Variants in ZNF804B observed in about 807,000 individuals in gnomAD.
ZNF804B encodes zinc finger protein 804B.
A neutral mutation model predicts 101.4 loss-of-function variants in ZNF804B; 80 were observed. The ratio of observed to expected loss-of-function variants is 0.79; its 90% CI spans 0.66 to 0.95. ZNF804B has a LOEUF of 0.95. ZNF804B is among the 40% of genes least tolerant of loss of function. ZNF804B has a pLI of 0.00. For missense variants in ZNF804B, 1,673 were observed against 1,561.9 expected, an observed-to-expected ratio of 1.07 and a Z score of -1.20; for synonymous variants, 622 against 558.8, an observed-to-expected ratio of 1.11 and a Z score of -1.59.
intron 1 of ZNF804B, among the ~76,000 whole-genome samples, chr7:88,884,688 T>C (rs1792097776): frequency 6.6e-6 from 1 of 151,928 alleles, no homozygotes; most frequent in Non-Finnish European, 1.5e-5. Flanking sequence ...TGTAATAACT[T>C]ACTTGCCCAA....
chr7:89,292,923 A>G (rs1373326142), intron 2 of ZNF804B, among the ~76,000 whole-genome samples: 2 of 152,054 alleles, frequency 1.3e-5, no homozygotes, highest in African/African-American at 2.4e-5. Context: ...AGGACCCCAC[A>G]CTTAAAACTA....
chr7:88,809,841 T>C (rs1790754789), intron 1 of ZNF804B, among the ~76,000 whole-genome samples: 1 of 152,154 alleles, frequency 6.6e-6, no homozygotes, highest in African/African-American at 2.4e-5. Context: ...TTGCTTCTCT[T>C]AGCAGTGGAA....
intron 1 of ZNF804B, among the ~76,000 whole-genome samples, chr7:88,871,187 T>C (rs1025944727): frequency 6.6e-6 from 1 of 152,152 alleles, no homozygotes; most frequent in Non-Finnish European, 1.5e-5. Flanking sequence ...TAAAACATGG[T>C]ATCTTTCATT....
At chr7:89,251,654 A>G (rs1252880196) in intron 2 of ZNF804B, among the ~76,000 whole-genome samples, 1 of 152,160 alleles carries the variant, frequency 6.6e-6, no homozygotes, top group Non-Finnish European at 1.5e-5. Context: ...CCATACCATA[A>G]GGCTACAGTA....
intron 2 of ZNF804B, among the ~76,000 whole-genome samples, chr7:89,298,131 A>ATATATATATCATATATATAG (rs1790412037): frequency 7.3e-6 from 1 of 137,500 alleles, no homozygotes; most frequent in South Asian, 2.2e-4. Context: ...ATATAAATAT[A>ATATATATATCATATATATAG]TATATATATA....
chr7:89,322,632 T>C (rs2115971478), intron 2 of ZNF804B, among the ~76,000 whole-genome samples: 1 of 152,040 alleles, frequency 6.6e-6, no homozygotes, highest in Admixed American at 6.6e-5. Context: ...AAAAAGAAAA[T>C]TTTTGGAACA....
chr7:89,250,143 C>T (rs536909477), intron 2 of ZNF804B, among the ~76,000 whole-genome samples: 25 of 151,944 alleles, frequency 1.6e-4, no homozygotes, highest in African/African-American at 5.8e-4. Flanking sequence ...GCTGAGATCA[C>T]GCCACTGCAC....
intron 1 of ZNF804B, among the ~76,000 whole-genome samples, chr7:89,053,427 G>A (rs886159139): frequency 6.6e-6 from 1 of 152,024 alleles, no homozygotes; most frequent in African/African-American, 2.4e-5. Context: ...GAATAATAAA[G>A]TAGACTTGTG....
intron 1 of ZNF804B, among the ~76,000 whole-genome samples, chr7:88,989,803 G>C (rs1584057243): frequency 6.6e-6 from 1 of 152,044 alleles, no homozygotes; most frequent in African/African-American, 2.4e-5. Flanking sequence ...AAGCCCAAAT[G>C]AATCACTACG....
intron 1 of ZNF804B, among the ~76,000 whole-genome samples, chr7:88,909,993 G>A (rs1032900423): frequency 1.3e-5 from 2 of 151,724 alleles, no homozygotes; most frequent in Non-Finnish European, 3.0e-5. Context: ...TGGTTTGAAT[G>A]TATATTTGCT....
intron 1 of ZNF804B, among the ~76,000 whole-genome samples, chr7:88,867,435 T>C (rs1316651203): frequency 1.3e-5 from 2 of 152,106 alleles, no homozygotes; most frequent in Non-Finnish European, 2.9e-5. Context: ...AGAAAAAGGG[T>C]GTCCCAGATC....
chr7:88,764,079 G>T (rs529542543), intron 1 of ZNF804B, among the ~76,000 whole-genome samples: 1 of 152,124 alleles, frequency 6.6e-6, no homozygotes, highest in South Asian at 2.1e-4. Flanking sequence ...AAAACAAATA[G>T]CTTCTATGTA....
chr7:88,881,128 A>T (rs1424038604), intron 1 of ZNF804B, among the ~76,000 whole-genome samples: 2 of 152,068 alleles, frequency 1.3e-5, no homozygotes, highest in African/African-American at 4.8e-5. Context: ...ATTTAAAATT[A>T]TGATAGAAGG....
At chr7:89,115,966 G>A (rs545307876) in intron 1 of ZNF804B, among the ~76,000 whole-genome samples, 13 of 150,898 alleles carry the variant, frequency 8.6e-5, no homozygotes, top group East Asian at 7.8e-4. Context: ...GAGCAGTGGC[G>A]TGATCTTGGC....
intron 1 of ZNF804B, among the ~76,000 whole-genome samples, chr7:89,199,350 A>T (rs2040686): frequency 0.97 from 147,584 of 151,654 alleles, 71,819 homozygotes; most frequent in East Asian, 1. Flanking sequence ...GCCAATTTTT[A>T]AAAAATTATT....
intron 1 of ZNF804B, among the ~76,000 whole-genome samples, chr7:88,780,396 T>TG (rs1412722474): frequency 1.4e-5 from 2 of 147,110 alleles, no homozygotes; most frequent in South Asian, 2.2e-4. Context: ...CTTTTTTTTT[T>TG]TTTTTTTTTT....
At chr7:88,920,002 G>A (rs769841933) in intron 1 of ZNF804B, among the ~76,000 whole-genome samples, 5 of 152,044 alleles carry the variant, frequency 3.3e-5, no homozygotes, top group Non-Finnish European at 5.9e-5. Context: ...AGGCTTGACA[G>A]ATGTACAAAG....
intron 1 of ZNF804B, among the ~76,000 whole-genome samples, chr7:88,948,050 G>A (rs571493134): frequency 6.6e-6 from 1 of 152,002 alleles, no homozygotes; most frequent in East Asian, 2.0e-4. Context: ...ATCTAATTAA[G>A]TGTCTTGCAA....
At chr7:89,101,861 C>T (rs983518583) in intron 1 of ZNF804B, among the ~76,000 whole-genome samples, 2 of 151,846 alleles carry the variant, frequency 1.3e-5, no homozygotes, top group Non-Finnish European at 2.9e-5. Context: ...ATCCCCCTTC[C>T]TTTTTCCCTC....
Sources: allele counts gnomAD v4.1 joint callset (sites outside exome capture counted in the v4.1 genomes callset), GRCh38; gene constraint gnomAD v4.1.1; transcripts MANE v1.5; gene names NCBI Gene and HGNC (gene_info 2026-07-23, HGNC 2026-07-21).